Variants in PCDH15 observed in about 807,000 individuals in gnomAD.
PCDH15 encodes the protein protocadherin related 15.
Under a neutral mutation model 178.5 loss-of-function variants are expected in PCDH15, and 129 were observed. The observed-to-expected ratio is 0.72, with a 90% CI of 0.63 to 0.84. PCDH15 has a LOEUF of 0.84. Among genes scored for constraint, PCDH15 ranks in the 40% least tolerant of loss-of-function variants. PCDH15 has a pLI of 0.00. For missense variants in PCDH15, 2,230 were observed against 2,099.9 expected (o/e 1.06, Z -1.21); for synonymous variants, 800 against 732.0 (o/e 1.09, Z -1.50).
At chr10:55,100,403 T>C (rs1842548645) in intron 2 of PCDH15, among the ~76,000 whole-genome samples, 1 of 152,184 alleles carries the variant, frequency 6.6e-6, no homozygotes, top group African/African-American at 2.4e-5. Context: ...ACCGTACTCT[T>C]GAATCCACAG....
intron 1 of PCDH15, among the ~76,000 whole-genome samples, chr10:54,765,274 C>CA (rs1948372148): frequency 6.6e-6 from 1 of 151,764 alleles, no homozygotes; most frequent in Non-Finnish European, 1.5e-5. Flanking sequence ...ACCTTTTTAG[C>CA]AAAAAATAGA....
At chr10:55,562,421 C>T (rs910246368) in intron 2 of PCDH15, among the ~76,000 whole-genome samples, 7 of 151,722 alleles carry the variant, frequency 4.6e-5, no homozygotes, top group African/African-American at 1.7e-4. Context: ...TAGTTTAAAA[C>T]TTTTGTTTAG....
At chr10:55,364,227 C>T (rs1344422509) in intron 2 of PCDH15, among the ~76,000 whole-genome samples, 2 of 152,146 alleles carry the variant, frequency 1.3e-5, no homozygotes, top group African/African-American at 4.8e-5. Flanking sequence ...CCATGCTGAA[C>T]TGTGAGTCAA....
chr10:54,653,591 C>A (rs79391091), intron 2 of PCDH15, among the ~76,000 whole-genome samples: 3,049 of 152,216 alleles, frequency 0.02, 111 homozygotes, highest in African/African-American at 0.068. Context: ...TCAAAACTGT[C>A]CAGTACATGC....
intron 1 of PCDH15, among the ~76,000 whole-genome samples, chr10:54,708,018 G>C (rs1479622734): frequency 6.6e-6 from 1 of 152,176 alleles, no homozygotes; most frequent in South Asian, 2.1e-4. Flanking sequence ...AGTTTATCAT[G>C]TTTTAGCAAC....
chr10:54,241,460 T>C (rs996322), intron 8 of PCDH15, among the ~76,000 whole-genome samples: 48,219 of 152,142 alleles, frequency 0.32, 8,588 homozygotes, highest in Middle Eastern at 0.44. Context: ...GCAGAAATTA[T>C]CTTATTTGTA....
chr10:54,350,701 G>A (rs557445043), intron 5 of PCDH15, among the ~76,000 whole-genome samples: 1 of 152,358 alleles, frequency 6.6e-6, no homozygotes, highest in South Asian at 2.1e-4. Flanking sequence ...AGTAGATCCT[G>A]GCCAGATGCC....
intron 2 of PCDH15, among the ~76,000 whole-genome samples, chr10:55,326,679 A>G (rs577295179): frequency 9.2e-4 from 140 of 152,296 alleles, no homozygotes; most frequent in African/African-American, 3.2e-3. Context: ...ATTATTTGCA[A>G]TATAACAAAA....
chr10:54,778,159 G>A (rs1051192014), intron 1 of PCDH15, among the ~76,000 whole-genome samples: 2 of 152,144 alleles, frequency 1.3e-5, no homozygotes, highest in Admixed American at 6.5e-5. Flanking sequence ...AAGCAAATGA[G>A]AATGTTGCTA....
rs868210161 is a variant in PCDH15, at chr10:54,035,541, T to A, written c.2221-12344A>T. Among the ~76,000 whole-genome samples, 111 of 152,002 alleles carry A rather than the reference T, an allele frequency of 7.3e-4. No individual in the cohort carries two copies. The Middle Eastern group carries it at 0.027, about 37-fold the overall frequency. On this transcript the variant is annotated intron_variant, in intron 18 of 37. Transcript: ENST00000644397. ...AATTAATAAAGGTTCTATGTATACATTTTTTTGACACATGGTCCAAGATGA... is the reference window on the plus strand; with the variant it reads ...AATTAATAAAGGTTCTATGTATACAATTTTTTGACACATGGTCCAAGATGA...
At chr10:54,069,318 G>A (rs2094196757) in intron 17 of PCDH15, among the ~76,000 whole-genome samples, 1 of 152,036 alleles carries the variant, frequency 6.6e-6, no homozygotes. Context: ...CATGTTTTCA[G>A]AGTATTCTGT....
At chr10:54,870,014 T>C (rs1564587111) in intron 3 of PCDH15, among the ~76,000 whole-genome samples, 2 of 152,182 alleles carry the variant, frequency 1.3e-5, no homozygotes. Flanking sequence ...TTTTAAACTG[T>C]TTTTCCCCTG....
chr10:55,054,469 A>C (rs1451919547), intron 2 of PCDH15, among the ~76,000 whole-genome samples: 1 of 152,128 alleles, frequency 6.6e-6, no homozygotes, highest in African/African-American at 2.4e-5. Context: ...GCTATTGTGA[A>C]TAGTGCTGCA....
intron 8 of PCDH15, among the ~76,000 whole-genome samples, chr10:54,251,366 T>C (rs1046427670): frequency 6.6e-6 from 1 of 152,228 alleles, no homozygotes; most frequent in Non-Finnish European, 1.5e-5. Flanking sequence ...GTCTTTGTTT[T>C]TGTTTTTCCT....
At position 54,539,017 on chromosome 10, in the gene PCDH15, T is replaced by C. The variant is rs76413631; in HGVS notation, c.92-11140A>G. 4.9e-4 allele frequency among the ~76,000 whole-genome samples: 75 copies of C among 152,370 alleles called. 1 individual carries two copies. In the East Asian group the frequency reaches 0.013, roughly 27 times the overall value. On this transcript the variant is annotated intron_variant, in intron 2 of 37. Transcript: ENST00000644397. ...AATCTCTTGATTGCTTTAGAGATTA[T>C]GGCAATTTTAACAATATTGATTCTT... is the stretch of plus-strand genomic sequence containing the variant.
intron 2 of PCDH15, among the ~76,000 whole-genome samples, chr10:55,539,852 T>G (rs1841718656): frequency 6.6e-6 from 1 of 152,104 alleles, no homozygotes. Context: ...TAGTGTCAAT[T>G]ACGACCCAGG....
rs139309668 is a variant in PCDH15, at chr10:55,185,612, A to C, written c.-155-18961T>G. On this transcript the variant is annotated intron_variant, in intron 1 of 5. Coordinates refer to the PCDH15 transcript ENST00000458638. ...GTGAGTAAGATTTTATTTTCAAATT[A>C]TATAAATTTTCTTTAGAATATTATG... is the stretch of plus-strand genomic sequence containing the variant. Among the ~76,000 whole-genome samples the C allele has an allele frequency of 6.2e-3, 942 of 151,928 alleles. 9 individuals are homozygous for C. Among genetic ancestry groups the C allele is most frequent in the South Asian group, 0.02 (97 of 4,834 alleles).
In PCDH15 at chr10:55,537,497, G is replaced by A. The variant is rs898220043; in HGVS notation, c.-156+90128C>T. Reference sequence around the variant, plus strand: ...GTTGCCCAGGCTGGAGTGCAGTGGCGTGATCCTGGCTCACTGCAAGCTCCG... The same window carrying A: ...GTTGCCCAGGCTGGAGTGCAGTGGCATGATCCTGGCTCACTGCAAGCTCCG... On this transcript the variant is annotated intron_variant, in intron 2 of 5. Transcript: ENST00000613346. 1.8e-4 allele frequency among the ~76,000 whole-genome samples: 28 copies of A among 152,060 alleles called. No individual in the cohort carries two copies. In the Middle Eastern group the frequency reaches 0.01, roughly 56 times the overall value.
intron 1 of PCDH15, among the ~76,000 whole-genome samples, chr10:54,685,799 A>C (rs1442782922): frequency 6.6e-6 from 1 of 152,160 alleles, no homozygotes; most frequent in East Asian, 1.9e-4. Context: ...TACAAAGTTA[A>C]TTTTTATAAT....
Sources: allele counts gnomAD v4.1 joint callset (sites outside exome capture counted in the v4.1 genomes callset), GRCh38; gene constraint gnomAD v4.1.1; transcripts MANE v1.5; gene names NCBI Gene and HGNC (gene_info 2026-07-23, HGNC 2026-07-21).